PDLIM5: variants seen among roughly 807,000 people sequenced by gnomAD.
PDLIM5 encodes the protein PDZ and LIM domain 5, also known as PDZ and LIM domain protein 5.
Under a neutral mutation model 64.2 loss-of-function variants are expected in PDLIM5, and 34 were observed. The observed-to-expected ratio is 0.53, with a 90% confidence interval of 0.40 to 0.71. The LOEUF is 0.71. Ranked by LOEUF, PDLIM5 falls within the 30% of genes least tolerant of loss-of-function variation. The pLI is 0.00. For missense variants in PDLIM5, 683 were observed against 733.6 expected (o/e 0.93, Z 0.80); for synonymous variants, 253 against 269.1 (o/e 0.94, Z 0.59).
chr4:94,633,009 C>G (rs1740280178), intron 8 of PDLIM5, among the ~76,000 whole-genome samples: 5 of 151,938 alleles, frequency 3.3e-5, no homozygotes, highest in Admixed American at 3.3e-4. Flanking sequence ...AACTAGTGAT[C>G]AGATAATCAG....
chr4:94,625,483 C>T (rs1239591112), intron 8 of PDLIM5, among the ~76,000 whole-genome samples: 1 of 149,182 alleles, frequency 6.7e-6, no homozygotes, highest in Non-Finnish European at 1.5e-5. Flanking sequence ...GACAGAGTCT[C>T]TCTGTGTTGC....
chr4:94,610,783 T>A (rs1196181312), intron 7 of PDLIM5, among the ~76,000 whole-genome samples: 1 of 152,196 alleles, frequency 6.6e-6, no homozygotes, highest in Non-Finnish European at 1.5e-5. Context: ...TTAGATAATT[T>A]CTATAGTCTT....
Position 94,585,709 on chromosome 4 carries a change from C to G in PDLIM5, c.855C>G (p.Ile285Met). 6.2e-7 allele frequency: 1 copy of G among 1,613,798 alleles called. No homozygotes were observed. The highest frequency in any genetic ancestry group is 1.1e-5 in the South Asian group (1 of 91,066). Residue 285 changes from isoleucine to methionine, a missense_variant, in exon 6 of 13, where the codon ATC (isoleucine) becomes ATG (methionine). By Grantham distance (10) the Ile-to-Met change is conservative. Coordinates refer to ENST00000317968, the MANE Select transcript of PDLIM5 (RefSeq NM_006457.5). ...CAACTCAGTCTCGCTCTTTCCGAAT[C>G]CTTGCCCAGATCACTGGGACTGAAC... Reference protein sequence around the residue: ...TGTTQSRSFRILAQITGTEHL... With the variant: ...TGTTQSRSFRMLAQITGTEHL...
chr4:94,610,515 C>T (rs1208035438), intron 7 of PDLIM5, among the ~76,000 whole-genome samples: 7 of 152,194 alleles, frequency 4.6e-5, no homozygotes, highest in Admixed American at 4.6e-4. Context: ...AATCTCTCCA[C>T]TGCTGCCATT....
chr4:94,471,882 GTATTTATACTTACAAAGATCTTA>G, intron 2 of PDLIM5, among the ~76,000 whole-genome samples: 2 of 151,980 alleles, frequency 1.3e-5, no homozygotes, highest in East Asian at 1.9e-4. Context: ...GATCTTATAA[GTATTTATACTTACAAAGATCTTA>G]TAAGTATTTA....
chr4:94,510,983 G>A (rs900851652), intron 2 of PDLIM5, among the ~76,000 whole-genome samples: 4 of 152,176 alleles, frequency 2.6e-5, no homozygotes, highest in African/African-American at 9.6e-5. Flanking sequence ...GTTAATAACT[G>A]TTTAGACTAA....
Position 94,664,077 on chromosome 4 carries a change from G to C in PDLIM5, c.*10G>C. 6.4e-7 allele frequency: 1 copy of C among 1,566,288 alleles called. No homozygotes were observed. The highest frequency in any genetic ancestry group is 1.2e-5 in the South Asian group (1 of 83,080). On this transcript the variant is annotated 3_prime_UTR_variant, in exon 13 of 13. Coordinates refer to ENST00000317968, the MANE Select transcript of PDLIM5 (RefSeq NM_006457.5). The stretch of plus-strand genomic sequence containing the variant: ...TTCTGTGAATTTTTGAAAGTCAACA[G>C]TTCAGGAGAAGAGAAGGAATTTGAA...
intron 7 of PDLIM5, among the ~76,000 whole-genome samples, chr4:94,616,078 T>C (rs755380932): frequency 2.6e-5 from 4 of 152,168 alleles, no homozygotes; most frequent in Non-Finnish European, 5.9e-5. Context: ...GGTGATGGAT[T>C]GGGTTTTGTT....
intron 3 of PDLIM5, among the ~76,000 whole-genome samples, chr4:94,555,558 T>C (rs576719050): frequency 1.6e-4 from 24 of 152,320 alleles, no homozygotes; most frequent in African/African-American, 5.3e-4. Flanking sequence ...CTTTTAACTT[T>C]AGTTTATAAC....
At chr4:94,472,414 G>A (rs1320309797) in intron 2 of PDLIM5, among the ~76,000 whole-genome samples, 2 of 152,056 alleles carry the variant, frequency 1.3e-5, no homozygotes, top group African/African-American at 4.8e-5. Flanking sequence ...TTTTGTTTTA[G>A]ATTCTTTTAA....
rs567892300 is a variant in PDLIM5 at position 94,666,872 on chromosome 4, A to T, written c.*2805A>T. Reference sequence around the variant, plus strand: ...GGCGAAGCTTTATATCTGTTCCTAAAACAGTTAATCCTGTGAAATAAATAT... The same window carrying T: ...GGCGAAGCTTTATATCTGTTCCTAATACAGTTAATCCTGTGAAATAAATAT... On this transcript the variant is annotated 3_prime_UTR_variant, in exon 13 of 13. Coordinates refer to ENST00000317968, the MANE Select transcript of PDLIM5 (RefSeq NM_006457.5). The T allele has an allele frequency of 3.3e-5, 5 of 152,274 alleles. No homozygotes were observed. In the South Asian group the frequency reaches 1.0e-3, roughly 32 times the overall value. 9.4% of individuals were successfully genotyped at this position (152,274 alleles called of 1,614,324 possible).
At chr4:94,567,700 A>G (rs2110261301) in intron 3 of PDLIM5, among the ~76,000 whole-genome samples, 1 of 152,306 alleles carries the variant, frequency 6.6e-6, no homozygotes, top group South Asian at 2.1e-4. Flanking sequence ...AGCTCCATTT[A>G]TAGTATGTAG....
rs529711179 is a variant in PDLIM5, at chr4:94,640,147, C to G, written c.1109-129C>G. Reference sequence around the variant, plus strand: ...GCCTAGTGTTTGATTCATAACCTCACTGTAAATGTGAGTGAGTGAATAACA... The same window carrying G: ...GCCTAGTGTTTGATTCATAACCTCAGTGTAAATGTGAGTGAGTGAATAACA... On this transcript the variant is annotated intron_variant, in intron 8 of 12. Coordinates refer to ENST00000317968, the MANE Select transcript of PDLIM5 (RefSeq NM_006457.5). 12 of 481,020 alleles carry G rather than the reference C, an allele frequency of 2.5e-5. No individual in the cohort carries two copies. The Admixed American group carries it at 4.2e-4, about 17-fold the overall frequency. The allele number at this position is 481,020 out of a possible 1,614,324, so 29.8% of individuals were successfully genotyped here. A position where few individuals can be genotyped will look rare whatever the true frequency, so the allele number is the denominator to read the frequency against.
At chr4:94,543,668 C>A (rs537653364) in intron 3 of PDLIM5, among the ~76,000 whole-genome samples, 1 of 151,970 alleles carries the variant, frequency 6.6e-6, no homozygotes, top group East Asian at 1.9e-4. Context: ...GGAGATCATG[C>A]GGTATTTGTC....
At chr4:94,466,409 G>A (rs1724369476) in intron 2 of PDLIM5, among the ~76,000 whole-genome samples, 1 of 152,180 alleles carries the variant, frequency 6.6e-6, no homozygotes, top group Non-Finnish European at 1.5e-5. Flanking sequence ...CTTTGAAAGT[G>A]TGGATCCAAG....
chr4:94,474,844 G>A (rs933360675), intron 2 of PDLIM5, among the ~76,000 whole-genome samples: 1 of 152,006 alleles, frequency 6.6e-6, no homozygotes, highest in Non-Finnish European at 1.5e-5. Flanking sequence ...TAGAGGTGGG[G>A]TCTTGCCATT....
chr4:94,591,491 G>A (rs143595140), intron 7 of PDLIM5, among the ~76,000 whole-genome samples: 10 of 152,264 alleles, frequency 6.6e-5, no homozygotes, highest in African/African-American at 1.9e-4. Flanking sequence ...TGGGAGTGTC[G>A]TAGGCAGACA....
chr4:94,481,517 C>T (rs971545373), intron 2 of PDLIM5, among the ~76,000 whole-genome samples: 11 of 152,028 alleles, frequency 7.2e-5, no homozygotes, highest in East Asian at 3.9e-4. Flanking sequence ...CTCCTGACCT[C>T]GTGATCTGCC....
intron 2 of PDLIM5, among the ~76,000 whole-genome samples, chr4:94,475,102 C>A (rs958507708): frequency 2.0e-5 from 3 of 151,414 alleles, no homozygotes; most frequent in Non-Finnish European, 2.9e-5. Context: ...TTATAATCAA[C>A]TTTATTACCC....
Sources: gnomAD v4.1 joint callset for allele counts (sites outside exome capture counted in the v4.1 genomes callset) on GRCh38, gnomAD v4.1.1 for gene constraint, MANE v1.5 for transcripts, NCBI Gene and HGNC (gene_info 2026-07-23, HGNC 2026-07-21) for gene names.